RSPO4: variants seen among roughly 807,000 people sequenced by gnomAD.
The protein encoded by RSPO4 is R-spondin-4.
A neutral mutation model predicts 24.8 loss-of-function variants in RSPO4; 23 were observed. The ratio of observed to expected loss-of-function variants is 0.93; its 90% CI spans 0.67 to 1.31. The LOEUF is 1.31. Ranked by LOEUF, RSPO4 falls within the 40% of genes most tolerant of loss-of-function variation. The pLI is 0.00. For missense variants in RSPO4, 333 were observed against 316.5 expected (o/e 1.05, Z -0.39); for synonymous variants, 141 against 127.4 (o/e 1.11, Z -0.72).
At chr20:977,940 T>C (rs1467032213) in intron 1 of RSPO4, among the ~76,000 whole-genome samples, 2 of 152,192 alleles carry the variant, frequency 1.3e-5, no homozygotes, top group Non-Finnish European at 2.9e-5. Context: ...GCCTGCCCAC[T>C]CAGGCCTCCA....
chr20:984,998 TCCATCCATCCAC>T lies in RSPO4; in HGVS notation c.80-16872_80-16861del, dbSNP rs1465299469. 7.9e-5 allele frequency among the ~76,000 whole-genome samples: 10 copies of T among 127,048 alleles called. 1 individual carries two copies. The highest frequency in any genetic ancestry group is 2.4e-4 in the Admixed American group (3 of 12,400). The allele number at this position is 127,048 out of a possible 152,430, so 83.3% of individuals were successfully genotyped here. On this transcript the variant is annotated intron_variant, in intron 1 of 4. Transcript: ENST00000217260. ...ATCCACTCACCCACCCATCTATCCA[TCCATCCATCCAC>T]CCATCCATCCATCCACCAACCCATC...
At position 970,741 on chromosome 20, in the gene RSPO4, G is replaced by A. The variant is rs1013463115; in HGVS notation, c.80-2603C>T. On this transcript the variant is annotated intron_variant, in intron 1 of 4. Coordinates refer to ENST00000217260, the MANE Select transcript of RSPO4 (RefSeq NM_001029871.4). The surrounding 1 kb of genome is among the most constrained non-coding windows in gnomAD (Gnocchi z 4.1). ...CTGGCAAGAATGAGAGGAAACCTTC[G>A]CTTTTTCACCTTAGATAGGAGTGTA... Among the ~76,000 whole-genome samples, 2 of 151,958 alleles carry A rather than the reference G, an allele frequency of 1.3e-5. No homozygotes were observed. Among genetic ancestry groups the A allele is most frequent in the African/African-American group, 2.4e-5 (1 of 41,258 alleles).
chr20:992,010 G>T (rs529142031), intron 1 of RSPO4, among the ~76,000 whole-genome samples: 1 of 149,002 alleles, frequency 6.7e-6, no homozygotes, highest in East Asian at 2.0e-4. Flanking sequence ...GTGAATGACG[G>T]GGGTGGTGTA....
chr20:998,985 C>CT (rs537819758), intron 1 of RSPO4, among the ~76,000 whole-genome samples: 3,978 of 131,830 alleles, frequency 0.03, 76 homozygotes, highest in Middle Eastern at 0.04. Context: ...CTCTCGCTCT[C>CT]TTTTTTTTTT....
At chr20:984,860 C>T (rs1229712366) in intron 1 of RSPO4, among the ~76,000 whole-genome samples, 1 of 151,996 alleles carries the variant, frequency 6.6e-6, no homozygotes, top group Non-Finnish European at 1.5e-5. Context: ...TCCATCCATC[C>T]ACCCACCCAC....
intron 3 of RSPO4, 51 bp downstream of exon 3, chr20:967,123 G>A (rs374882912): frequency 2.5e-5 from 40 of 1,574,468 alleles, no homozygotes; most frequent in East Asian, 1.1e-4. Flanking sequence ...CCAAGCCCCC[G>A]CTCCAGGGAG....
chr20:978,216 C>A (rs1275233008), intron 1 of RSPO4, among the ~76,000 whole-genome samples: 1 of 152,152 alleles, frequency 6.6e-6, no homozygotes, highest in African/African-American at 2.4e-5. Flanking sequence ...CCACCACTTC[C>A]TAGCTGGGTG....
At chr20:967,141 G>T (rs1984230295) in intron 3 of RSPO4, 33 bp downstream of exon 3, 25 of 1,603,928 alleles carry the variant, frequency 1.6e-5, no homozygotes, top group Non-Finnish European at 2.1e-5. Context: ...GAGAGGGGAG[G>T]GGCAGGGGCA....
intron 1 of RSPO4, among the ~76,000 whole-genome samples, chr20:983,377 A>C (rs1004163768): frequency 4.6e-5 from 7 of 152,198 alleles, no homozygotes; most frequent in Non-Finnish European, 7.3e-5. Context: ...TTTTTGCAAG[A>C]TGAAATGTGA....
chr20:961,086 C>G (rs1568900957), intron 4 of RSPO4, among the ~76,000 whole-genome samples: 1 of 152,030 alleles, frequency 6.6e-6, no homozygotes, highest in African/African-American at 2.4e-5. Flanking sequence ...GCCAGGCTAC[C>G]TTTCCTTTCT....
chr20:990,656 A>G lies in RSPO4; in HGVS notation c.79+11430T>C, dbSNP rs79774005. 7.9e-3 allele frequency among the ~76,000 whole-genome samples: 1,201 copies of G among 152,196 alleles called. 9 individuals are homozygous for G. Among genetic ancestry groups the G allele is most frequent in the African/African-American group, 0.026 (1,098 of 41,512 alleles). Reference sequence around the variant, plus strand: ...CCACAAACTGAACTGGTTCAGCCAAAGCAGCCCTCAGCCAGGGGCGAGCGG... The same window carrying G: ...CCACAAACTGAACTGGTTCAGCCAAGGCAGCCCTCAGCCAGGGGCGAGCGG... On this transcript the variant is annotated intron_variant, in intron 1 of 4. Coordinates refer to ENST00000217260, the MANE Select transcript of RSPO4 (RefSeq NM_001029871.4).
chr20:990,800 T>G (rs1313974228), intron 1 of RSPO4, among the ~76,000 whole-genome samples: 1 of 152,174 alleles, frequency 6.6e-6, no homozygotes, highest in Non-Finnish European at 1.5e-5. Context: ...GATGTCTCTC[T>G]TAGAGGAAAA....
At chr20:994,783 C>T (rs1177219366) in intron 1 of RSPO4, among the ~76,000 whole-genome samples, 3 of 152,116 alleles carry the variant, frequency 2.0e-5, no homozygotes, top group South Asian at 4.2e-4. Context: ...AGGCTGGTCT[C>T]GAACTCCTGG....
chr20:998,930 G>A (rs973099633), intron 1 of RSPO4, among the ~76,000 whole-genome samples: 1 of 151,798 alleles, frequency 6.6e-6, no homozygotes, highest in African/African-American at 2.4e-5. Flanking sequence ...GATGCCTTAT[G>A]AGAAATGGTC....
chr20:960,956 A>G (rs1465832380), intron 4 of RSPO4, among the ~76,000 whole-genome samples: 1 of 152,182 alleles, frequency 6.6e-6, no homozygotes, highest in Non-Finnish European at 1.5e-5. Context: ...CACAGCCCCA[A>G]GTGCTTTATG....
chr20:968,290 A>G (rs1984296354), intron 1 of RSPO4, 152 bp from the exon 2 acceptor site: 1 of 689,178 alleles, frequency 1.5e-6, no homozygotes, highest in Non-Finnish European at 2.5e-6. Context: ...CCTTACAACT[A>G]GATATGGTCA....
intron 1 of RSPO4, among the ~76,000 whole-genome samples, chr20:972,989 C>G (rs1984455042): frequency 6.6e-6 from 1 of 152,230 alleles, no homozygotes; most frequent in South Asian, 2.1e-4. Context: ...AGACTCACAC[C>G]CTGACATGGC....
intron 4 of RSPO4, among the ~76,000 whole-genome samples, chr20:961,793 C>T (rs1272154519): frequency 6.6e-6 from 1 of 152,054 alleles, no homozygotes; most frequent in Admixed American, 6.5e-5. Flanking sequence ...ATCCCTCCAC[C>T]TATTTACCCA....
chr20:960,401 G>A lies in RSPO4; in HGVS notation c.661C>T (p.Arg221Cys), dbSNP rs772494608. The A allele has an allele frequency of 2.3e-5, 36 of 1,539,030 alleles. No homozygotes were observed. The highest frequency in any genetic ancestry group is 1.4e-4 in the African/African-American group (10 of 73,094). ...RRPRKDRKLDRRLDVRPRQPG... is the reference protein window; with the variant it reads ...RRPRKDRKLDCRLDVRPRQPG... ...TGGCGCGGCCTCACGTCCAGCCTGC[G>A]GTCCAGCTTCCTGTCCTTGCGTGGG... Residue 221 changes from arginine (R) to cysteine (C), a missense_variant, in exon 5 of 5, where the codon CGC becomes TGC. By Grantham distance (180) the Arg-to-Cys change is radical. Transcript: ENST00000217260.
Sources: allele counts gnomAD v4.1 joint callset (sites outside exome capture counted in the v4.1 genomes callset), GRCh38; gene constraint gnomAD v4.1.1; non-coding constraint Gnocchi (gnomAD v3.1); transcripts MANE v1.5; gene names NCBI Gene and HGNC (gene_info 2026-07-23, HGNC 2026-07-21).